DDC: variants seen among roughly 807,000 people sequenced by gnomAD.
DDC encodes the protein dopa decarboxylase.
DDC carries 43 observed loss-of-function variants against 60.0 expected under a neutral mutation model. That is an observed-to-expected ratio of 0.72 (90% CI 0.56 to 0.92). The LOEUF (loss-of-function observed/expected upper bound fraction) is 0.92, where lower values mean the gene tolerates loss of function less well. Ranked by LOEUF, DDC falls within the 40% of genes least tolerant of loss-of-function variation. The pLI is 0.00. For synonymous variants in DDC, 232 were observed against 234.6 expected (o/e 0.99, Z 0.10); for missense variants, 573 against 620.2 (o/e 0.92, Z 0.81).
At chr7:50,473,963 C>G (rs1192823041) in intron 11 of DDC, among the ~76,000 whole-genome samples, 1 of 152,216 alleles carries the variant, frequency 6.6e-6, no homozygotes, top group East Asian at 1.9e-4. Context: ...TCACTCACCT[C>G]TGAGTAGCTG....
Position 50,506,567 on chromosome 7 carries a change from T to A in DDC, c.715-2508A>T, listed in dbSNP as rs566508043. Among the ~76,000 whole-genome samples, 11 of 152,314 alleles carry A rather than the reference T, an allele frequency of 7.2e-5. 1 individual carries two copies. The South Asian group carries it at 2.3e-3, about 32-fold the overall frequency. On this transcript the variant is annotated intron_variant, in intron 6 of 14. Transcript: ENST00000444124. ...AAGAGCTCTAGGAAACCCCTCTCCC[T>A]GAGAAGGGCAGTCCCTCCAGGGTCA...
chr7:50,512,683 A>C (rs1259623033), intron 6 of DDC, among the ~76,000 whole-genome samples: 1 of 152,218 alleles, frequency 6.6e-6, no homozygotes, highest in Non-Finnish European at 1.5e-5. Context: ...TCCCAGTCAC[A>C]GGTGCAAAGA....
chr7:50,495,470 A>G lies in DDC; in HGVS notation c.877-53T>C, dbSNP rs1739764973. ...AAAACATTTTCTTTATAAATGTTTA[A>G]TTATAAAGAAGACCCCATACATGAT... On this transcript the variant is annotated intron_variant, in intron 8 of 14. Transcript: ENST00000444124. The G allele has an allele frequency of 5.2e-6, 7 of 1,354,118 alleles. No homozygotes were observed. In the South Asian group the frequency reaches 6.1e-5, roughly 12 times the overall value. 83.9% of individuals were successfully genotyped at this position (1,354,118 alleles called of 1,614,324 possible).
At chr7:50,492,366 C>T (rs887429234) in intron 9 of DDC, among the ~76,000 whole-genome samples, 1 of 152,206 alleles carries the variant, frequency 6.6e-6, no homozygotes, top group East Asian at 1.9e-4. Flanking sequence ...GGGACAAAAC[C>T]TTGGGTTTTG....
chr7:50,529,338 C>T lies in DDC; in HGVS notation c.440G>A (p.Ser147Asn). ...GGCCACCAGGGTGGCTTCACTGGCACTTCCCTAAATTCAAGAGAAGGTCCA... is the reference window on the plus strand; with the variant it reads ...GGCCACCAGGGTGGCTTCACTGGCATTTCCCTAAATTCAAGAGAAGGTCCA... Reference protein sequence around the residue: ...AGEGGGVIQGSASEATLVALL... With the variant: ...AGEGGGVIQGNASEATLVALL... The change falls in exon 5 of 15, where the codon AGT (serine) becomes AAT (asparagine). Residue 147 changes from serine to asparagine, a missense_variant. Ser to Asn is a conservative substitution (Grantham distance 46). Coordinates refer to ENST00000444124, the MANE Select transcript of DDC (RefSeq NM_001082971.2). The T allele has an allele frequency of 6.2e-7, 1 of 1,614,202 alleles. No individual in the cohort carries two copies. Among genetic ancestry groups the T allele is most frequent in the Non-Finnish European group, 8.5e-7 (1 of 1,180,040 alleles).
chr7:50,492,612 TG>T, intron 9 of DDC: 1 of 965,898 alleles, frequency 1.0e-6, no homozygotes. Context: ...ACCCTTCTCT[TG>T]TGGCAGACTT....
chr7:50,461,324 T>G (rs2042268681), intron 14 of DDC, among the ~76,000 whole-genome samples: 1 of 152,240 alleles, frequency 6.6e-6, no homozygotes, highest in South Asian at 2.1e-4. Context: ...TATGACCACA[T>G]GAATATGTGT....
chr7:50,467,052 T>C (rs555697791), intron 13 of DDC, among the ~76,000 whole-genome samples, 162 bp downstream of exon 13: 1 of 152,364 alleles, frequency 6.6e-6, no homozygotes, highest in Non-Finnish European at 1.5e-5. Flanking sequence ...GAAACAAGGC[T>C]GTGTAGCATG....
chr7:50,480,532 T>TGGA (rs937081331), intron 9 of DDC, among the ~76,000 whole-genome samples: 11 of 152,176 alleles, frequency 7.2e-5, no homozygotes, highest in African/African-American at 2.7e-4. Context: ...GTGGGTAACC[T>TGGA]GGAGACCCAA....
At chr7:50,526,093 C>A (rs990007926) in intron 6 of DDC, among the ~76,000 whole-genome samples, 3 of 152,130 alleles carry the variant, frequency 2.0e-5, no homozygotes, top group Admixed American at 6.6e-5. Context: ...TCAGGAAGTT[C>A]TGTGAAATCC....
intron 6 of DDC, among the ~76,000 whole-genome samples, chr7:50,515,222 C>G (rs1473915932): frequency 2.0e-5 from 3 of 152,298 alleles, no homozygotes; most frequent in Admixed American, 6.5e-5. Flanking sequence ...AGCAGAAACC[C>G]TACAAGCCAG....
intron 2 of DDC, 200 bp from the exon 3 acceptor site, chr7:50,540,228 C>T (rs918565047): frequency 5.0e-6 from 3 of 601,778 alleles, no homozygotes; most frequent in Non-Finnish European, 9.2e-6. Flanking sequence ...TTACTGTCCC[C>T]ACTCCCTTTA....
At chr7:50,536,020 G>T (rs1008889891) in intron 4 of DDC, among the ~76,000 whole-genome samples, 2 of 152,128 alleles carry the variant, frequency 1.3e-5, no homozygotes, top group African/African-American at 4.8e-5. Context: ...AGTCAAGCTG[G>T]GAACTGCTTA....
chr7:50,508,924 C>A (rs549381667), intron 6 of DDC, among the ~76,000 whole-genome samples: 1 of 152,280 alleles, frequency 6.6e-6, no homozygotes, highest in South Asian at 2.1e-4. Context: ...TACGCTGCAG[C>A]CCTCTTCCCT....
chr7:50,486,820 G>C (rs1025402941), intron 9 of DDC, among the ~76,000 whole-genome samples: 1 of 152,148 alleles, frequency 6.6e-6, no homozygotes, highest in African/African-American at 2.4e-5. Flanking sequence ...CTTTCCTTTT[G>C]TTCCTAAGTA....
intron 12 of DDC, among the ~76,000 whole-genome samples, chr7:50,469,760 C>T (rs1011007705): frequency 1.3e-5 from 2 of 152,132 alleles, no homozygotes; most frequent in Admixed American, 1.3e-4. Context: ...GGGTGGATCA[C>T]CTGAAGCCAG....
At chr7:50,541,002 C>T (rs980907389) in intron 2 of DDC, among the ~76,000 whole-genome samples, 8 of 152,196 alleles carry the variant, frequency 5.3e-5, no homozygotes, top group Non-Finnish European at 7.3e-5. Flanking sequence ...TTGTTCCTGC[C>T]AATGCAGTAC....
chr7:50,522,543 A>G (rs2043920986), intron 6 of DDC, among the ~76,000 whole-genome samples: 1 of 152,254 alleles, frequency 6.6e-6, no homozygotes, highest in Non-Finnish European at 1.5e-5. Flanking sequence ...AAATCAAGAC[A>G]ATATGGTATT....
At chr7:50,494,991 C>G (rs1419120292) in intron 9 of DDC, among the ~76,000 whole-genome samples, 5 of 152,140 alleles carry the variant, frequency 3.3e-5, no homozygotes, top group African/African-American at 4.8e-5. Flanking sequence ...CATTTGGACT[C>G]AGATTGCTTA....
Sources: gnomAD v4.1 joint callset for allele counts (sites outside exome capture counted in the v4.1 genomes callset) on GRCh38, gnomAD v4.1.1 for gene constraint, MANE v1.5 for transcripts, NCBI Gene and HGNC (gene_info 2026-07-23, HGNC 2026-07-21) for gene names.